PCCA: variants seen among roughly 807,000 people sequenced by gnomAD.
PCCA encodes propionyl-CoA carboxylase alpha chain, mitochondrial.
A neutral mutation model predicts 101.3 loss-of-function variants in PCCA; 74 were observed. The observed-to-expected ratio is 0.73, with a 90% CI of 0.61 to 0.89. The LOEUF is 0.89. Among genes scored for constraint, PCCA ranks in the 40% least tolerant of loss-of-function variants. PCCA has a pLI of 0.00. For missense variants in PCCA, 891 were observed against 907.0 expected (o/e 0.98, Z 0.23); for synonymous variants, 294 against 313.6 (o/e 0.94, Z 0.66).
At chr13:100,136,738 G>C (rs2051222102) in intron 4 of PCCA, among the ~76,000 whole-genome samples, 1 of 152,006 alleles carries the variant, frequency 6.6e-6, no homozygotes. Flanking sequence ...TATCTGCATA[G>C]TTTGTAGTGA....
chr13:100,290,979 C>T (rs1310204563), intron 12 of PCCA, among the ~76,000 whole-genome samples: 1 of 152,162 alleles, frequency 6.6e-6, no homozygotes. Flanking sequence ...ATTCAATTAA[C>T]TGTGGCTTAA....
At chr13:100,530,076 C>G in intron 23 of PCCA, 22 bp from the exon 24 acceptor site, 1 of 1,601,062 alleles carries the variant, frequency 6.2e-7, no homozygotes, top group Non-Finnish European at 8.6e-7. Flanking sequence ...CTCCCCTCCC[C>G]CTGCATTTTT....
chr13:100,261,646 T>G (rs765682528), intron 9 of PCCA, among the ~76,000 whole-genome samples: 14 of 152,140 alleles, frequency 9.2e-5, no homozygotes, highest in Non-Finnish European at 1.8e-4. Context: ...AAAAGATTGG[T>G]CAAATGAGCC....
chr13:100,195,682 T>G (rs1041080690), intron 6 of PCCA, among the ~76,000 whole-genome samples: 2 of 152,332 alleles, frequency 1.3e-5, no homozygotes, highest in African/African-American at 4.8e-5. Flanking sequence ...AGAAACCTCT[T>G]TCTATTTTCT....
At chr13:100,296,522 G>C (rs930922609) in intron 12 of PCCA, among the ~76,000 whole-genome samples, 1 of 151,906 alleles carries the variant, frequency 6.6e-6, no homozygotes, top group African/African-American at 2.4e-5. Flanking sequence ...AGAGTTCTGG[G>C]ATTATAGGGG....
chr13:100,168,606 G>A (rs1231858115), intron 6 of PCCA, among the ~76,000 whole-genome samples: 1 of 152,188 alleles, frequency 6.6e-6, no homozygotes, highest in African/African-American at 2.4e-5. Context: ...AAATATTCAA[G>A]TTCTACCTAG....
chr13:100,340,536 T>A (rs2071144020), intron 18 of PCCA, among the ~76,000 whole-genome samples: 1 of 152,218 alleles, frequency 6.6e-6, no homozygotes, highest in Non-Finnish European at 1.5e-5. Context: ...ATTCGAGTAG[T>A]TTGTGTTTAT....
chr13:100,518,139 T>TA (rs2086972910), intron 22 of PCCA, among the ~76,000 whole-genome samples: 1 of 152,206 alleles, frequency 6.6e-6, no homozygotes, highest in Non-Finnish European at 1.5e-5. Flanking sequence ...CTAAGGGCCT[T>TA]ACAAGTATTC....
chr13:100,454,680 C>A (rs1174600790), intron 21 of PCCA, among the ~76,000 whole-genome samples: 1 of 152,198 alleles, frequency 6.6e-6, no homozygotes, highest in African/African-American at 2.4e-5. Flanking sequence ...TATTGATAAA[C>A]ATGATCTTCA....
Position 100,498,082 on chromosome 13 carries a change from G to A in PCCA, c.1900-17345G>A, listed in dbSNP as rs116885933. Among the ~76,000 whole-genome samples the A allele has an allele frequency of 1.2e-3, 178 of 151,802 alleles. 1 individual carries two copies. The highest frequency in any genetic ancestry group is 1.6e-3 in the Non-Finnish European group (108 of 67,916). On this transcript the variant is annotated intron_variant, in intron 21 of 23. Transcript: ENST00000376285. ...AGGTCTTGCTATATTGCCCAGGCTG[G>A]TCTCAAACTTCTGGCCTCAAAGTAA...
chr13:100,506,438 G>A (rs1048979653), intron 21 of PCCA, among the ~76,000 whole-genome samples: 3 of 152,240 alleles, frequency 2.0e-5, no homozygotes, highest in African/African-American at 7.2e-5. Flanking sequence ...TTTCTTGGCC[G>A]ACGGTCTACC....
intron 21 of PCCA, among the ~76,000 whole-genome samples, chr13:100,456,693 A>G (rs182274569): frequency 1.3e-5 from 2 of 152,162 alleles, no homozygotes; most frequent in African/African-American, 2.4e-5. Flanking sequence ...GTTTTCTTCT[A>G]TGCACTTATA....
chr13:100,404,633 A>C (rs1286300400), intron 19 of PCCA, among the ~76,000 whole-genome samples: 1 of 152,128 alleles, frequency 6.6e-6, no homozygotes, highest in East Asian at 1.9e-4. Flanking sequence ...AAGAGAGAGC[A>C]TCCTCTTTCC....
chr13:100,443,912 G>T (rs1217901912), intron 20 of PCCA, among the ~76,000 whole-genome samples: 1 of 152,064 alleles, frequency 6.6e-6, no homozygotes, highest in African/African-American at 2.4e-5. Context: ...TCCTAGCCTC[G>T]TCCTTCCCCA....
chr13:100,260,745 A>T lies in PCCA; in HGVS notation c.717-1984A>T, dbSNP rs140018326. Among the ~76,000 whole-genome samples the T allele has an allele frequency of 7.9e-4, 120 of 152,214 alleles. 1 individual carries two copies. The East Asian group carries it at 0.021, about 27-fold the overall frequency. ...ACTAGGTGGACTGTAGGATTAAATG[A>T]TATTATTTTAAAGTTGTAATAATTA... is the stretch of plus-strand genomic sequence containing the variant. On this transcript the variant is annotated intron_variant, in intron 9 of 23. Transcript: ENST00000376285.
chr13:100,102,847 G>C, intron 1 of PCCA, 36 bp from the exon 2 acceptor site: 1 of 1,391,696 alleles, frequency 7.2e-7, no homozygotes, highest in Non-Finnish European at 1.0e-6. Context: ...AGCCCATCAA[G>C]TATTTGCAAT....
chr13:100,412,192 C>T lies in PCCA; in HGVS notation c.1747-13441C>T, dbSNP rs573811278. ...GCAAAATGTTGTTGATAGCACAGTG[C>T]AGTCAACAACATCAGGAAGTTACTA... On this transcript the variant is annotated intron_variant, in intron 19 of 23. Transcript: ENST00000376285. Among the ~76,000 whole-genome samples, 16 of 152,224 alleles carry T rather than the reference C, an allele frequency of 1.1e-4. No individual in the cohort carries two copies. The East Asian group carries it at 3.1e-3, about 29-fold the overall frequency.
At chr13:100,450,957 A>G (rs2081179456) in intron 21 of PCCA, among the ~76,000 whole-genome samples, 1 of 152,194 alleles carries the variant, frequency 6.6e-6, no homozygotes. Flanking sequence ...ATGTGTAGAG[A>G]GAAAGAGAAA....
At chr13:100,270,582 A>G (rs2063241586) in intron 11 of PCCA, among the ~76,000 whole-genome samples, 1 of 152,192 alleles carries the variant, frequency 6.6e-6, no homozygotes, top group African/African-American at 2.4e-5. Flanking sequence ...CTACTTATTT[A>G]GAGAAAAAAA....
Sources: allele counts gnomAD v4.1 joint callset (sites outside exome capture counted in the v4.1 genomes callset), GRCh38; gene constraint gnomAD v4.1.1; transcripts MANE v1.5; gene names NCBI Gene and HGNC (gene_info 2026-07-23, HGNC 2026-07-21).